Variants in NEMP2 observed in about 807,000 individuals in gnomAD.
NEMP2 encodes the protein nuclear envelope integral membrane protein 2.
Under a neutral mutation model 54.2 loss-of-function variants are expected in NEMP2, and 53 were observed. The ratio of observed to expected loss-of-function variants is 0.98; its 90% CI spans 0.78 to 1.23. The LOEUF (loss-of-function observed/expected upper bound fraction) is 1.23. Among genes scored for constraint, NEMP2 ranks in the 50% most tolerant of loss-of-function variants. The pLI is 0.00. For synonymous variants in NEMP2, 197 were observed against 190.3 expected, an observed-to-expected ratio of 1.04 and a Z score of -0.29; for missense variants, 455 against 511.3, an observed-to-expected ratio of 0.89 and a Z score of 1.06.
At position 190,533,954 on chromosome 2, in the gene NEMP2, C is replaced by T; in HGVS notation, c.97+605G>A. On this transcript the variant is annotated intron_variant, in intron 1 of 8. Coordinates refer to ENST00000409150, the MANE Select transcript of NEMP2 (RefSeq NM_001142645.2). This position sits in a 1 kb window ranked among gnomAD's most constrained non-coding sequence, Gnocchi z 4.3. ...TAGCAGCCGCTACCAGTTCTTGCTT[C>T]CTGTGTGCCAGGCATTGTGCACACG... 1 of 984,836 alleles carries T rather than the reference C, an allele frequency of 1.0e-6. No individual in the cohort carries two copies. Among genetic ancestry groups the T allele is most frequent in the Non-Finnish European group, 1.2e-6 (1 of 829,464 alleles). 61.0% of individuals were successfully genotyped at this position (984,836 alleles called of 1,614,324 possible).
chr2:190,567,406 A>T, the NEMP2 span, among the ~76,000 whole-genome samples: 4 of 152,152 alleles, frequency 2.6e-5, no homozygotes, highest in Non-Finnish European at 5.9e-5. The surrounding 1 kb of genome is among the most constrained non-coding windows in gnomAD (Gnocchi z 4.0). Context: ...GGCTATGTCT[A>T]AAAATCGAAG....
chr2:190,442,443 G>A, the NEMP2 span: 1 of 151,968 alleles, frequency 6.6e-6, no homozygotes, highest in Non-Finnish European at 1.5e-5. Context: ...TTCAAAGCAG[G>A]GAGGACCATA....
chr2:190,547,593 T>C, the NEMP2 span, among the ~76,000 whole-genome samples: 1 of 152,234 alleles, frequency 6.6e-6, no homozygotes, highest in Non-Finnish European at 1.5e-5. This position sits in a 1 kb window ranked among gnomAD's most constrained non-coding sequence, Gnocchi z 6.2. Flanking sequence ...TGGTGCCATC[T>C]TGGCTCACTG....
chr2:190,642,381 TA>T, the NEMP2 span, among the ~76,000 whole-genome samples: 1 of 152,208 alleles, frequency 6.6e-6, no homozygotes, highest in East Asian at 1.9e-4. This position sits in a 1 kb window ranked among gnomAD's most constrained non-coding sequence, Gnocchi z 4.1. Flanking sequence ...AGGTAAACTT[TA>T]TAATCCTTTA....
chr2:190,526,793 A>G lies in NEMP2; in HGVS notation c.98-1415T>C, dbSNP rs566480816. ...CATTGGTGGGATTCTGTGAAGATGG[A>G]CAGATCTTCACATCTCCAGCAAGGA... On this transcript the variant is annotated intron_variant, in intron 1 of 8. Transcript: ENST00000409150. Among the ~76,000 whole-genome samples the G allele has an allele frequency of 2.2e-4, 33 of 152,270 alleles. 1 individual carries two copies. Among genetic ancestry groups the G allele is most frequent in the African/African-American group, 7.5e-4 (31 of 41,564 alleles).
chr2:190,615,024 C>T, the NEMP2 span, among the ~76,000 whole-genome samples: 4 of 152,216 alleles, frequency 2.6e-5, no homozygotes, highest in Non-Finnish European at 4.4e-5. The surrounding 1 kb of genome is among the most constrained non-coding windows in gnomAD (Gnocchi z 4.7). Context: ...TCCTACTATG[C>T]TCTCAACACA....
the NEMP2 span, among the ~76,000 whole-genome samples, chr2:190,540,848 CA>C: frequency 5.3e-5 from 8 of 151,976 alleles, no homozygotes; most frequent in African/African-American, 1.9e-4. Flanking sequence ...GCAGTGAATC[CA>C]TTAGATCCTG....
chr2:190,475,594 C>T, the NEMP2 span, among the ~76,000 whole-genome samples: 1 of 152,302 alleles, frequency 6.6e-6, no homozygotes, highest in East Asian at 1.9e-4. Context: ...ATTCCATGCT[C>T]ATGGATAGGA....
chr2:190,429,173 T>C, the NEMP2 span, among the ~76,000 whole-genome samples: 1 of 152,046 alleles, frequency 6.6e-6, no homozygotes, highest in Non-Finnish European at 1.5e-5. Context: ...TACTGATTTT[T>C]TTCTATTGAT....
At position 190,517,662 on chromosome 2, in the gene NEMP2, G is replaced by C. The variant is rs1690609024; in HGVS notation, c.519-49C>G. The stretch of plus-strand genomic sequence containing the variant: ...CTATTTAAATGCCAAAAAGCACTTT[G>C]AGTATGAAAAACATGTTTAACCTGG... On this transcript the variant is annotated intron_variant, in intron 4 of 8. Transcript: ENST00000409150. 2.9e-6 allele frequency: 4 copies of C among 1,358,768 alleles called. No homozygotes were observed. In the African/African-American group the frequency reaches 5.8e-5, roughly 20 times the overall value. 84.2% of individuals were successfully genotyped at this position (1,358,768 alleles called of 1,614,324 possible). A position where few individuals can be genotyped will look rare whatever the true frequency, so the allele number is the denominator to read the frequency against.
chr2:190,623,067 A>G, the NEMP2 span, among the ~76,000 whole-genome samples: 1 of 152,196 alleles, frequency 6.6e-6, no homozygotes, highest in Non-Finnish European at 1.5e-5. Flanking sequence ...AAATCAAGAA[A>G]GCAATCCTAT....
the NEMP2 span, among the ~76,000 whole-genome samples, chr2:190,455,934 C>CTTTTTTTTTTTTTTTT: frequency 3.1e-5 from 2 of 65,388 alleles, 1 homozygote; most frequent in African/African-American, 1.3e-4. Context: ...ATTTACTCTG[C>CTTTTTTTTTTTTTTTT]TTTTTTTTTT....
chr2:190,549,970 T>C, the NEMP2 span, among the ~76,000 whole-genome samples: 1 of 152,222 alleles, frequency 6.6e-6, no homozygotes, highest in African/African-American at 2.4e-5. Context: ...CTGATAAGTA[T>C]ACATATTGAT....
At chr2:190,626,036 G>T in the NEMP2 span, 1 of 155,586 alleles carries the variant, frequency 6.4e-6, no homozygotes, top group Non-Finnish European at 1.4e-5. This position sits in a 1 kb window ranked among gnomAD's most constrained non-coding sequence, Gnocchi z 4.5. Flanking sequence ...AGATTAAGAT[G>T]CAGATTCAGT....
At chr2:190,431,717 G>C in the NEMP2 span, among the ~76,000 whole-genome samples, 1 of 152,070 alleles carries the variant, frequency 6.6e-6, no homozygotes, top group Non-Finnish European at 1.5e-5. This position sits in a 1 kb window ranked among gnomAD's most constrained non-coding sequence, Gnocchi z 4.4. Flanking sequence ...GGGAGACTGT[G>C]GGGAGAGGGA....
the NEMP2 span, among the ~76,000 whole-genome samples, chr2:190,426,287 A>G: frequency 2.6e-4 from 39 of 152,208 alleles, no homozygotes; most frequent in Admixed American, 7.2e-4. This position sits in a 1 kb window ranked among gnomAD's most constrained non-coding sequence, Gnocchi z 4.7. Flanking sequence ...CTGTATCCCA[A>G]TTCACTCATT....
the NEMP2 span, among the ~76,000 whole-genome samples, chr2:190,569,580 G>C: frequency 3.3e-5 from 5 of 152,138 alleles, no homozygotes; most frequent in African/African-American, 1.2e-4. Context: ...AAATAACTAA[G>C]GGAGGTTCCC....
At chr2:190,563,725 T>C in the NEMP2 span, among the ~76,000 whole-genome samples, 1 of 152,194 alleles carries the variant, frequency 6.6e-6, no homozygotes, top group Non-Finnish European at 1.5e-5. The surrounding 1 kb of genome is among the most constrained non-coding windows in gnomAD (Gnocchi z 4.3). Flanking sequence ...TAATGGCTTA[T>C]TGGGATGGTT....
rs1017774920 is a variant in NEMP2 at position 190,510,366 on chromosome 2, A to AGGAGTGT, written c.1118_1124dup (p.Ser376HisfsTer3). The AGGAGTGT allele has an allele frequency of 4.5e-6, 7 of 1,551,692 alleles. No individual in the cohort carries two copies. The Admixed American group carries it at 1.4e-4, about 30-fold the overall frequency. On this transcript the variant is annotated frameshift_variant, in exon 8 of 9. Transcript: ENST00000409150. LOFTEE classifies it high-confidence loss of function. This position sits in a 1 kb window ranked among gnomAD's most constrained non-coding sequence, Gnocchi z 5.7. ...AGCAGCAGAGCGGGACTTACTTGCT[A>AGGAGTGT]GGAGTGTGGAGTCTGGAGACGACCA...
Sources: gnomAD v4.1 joint callset for allele counts (sites outside exome capture counted in the v4.1 genomes callset) on GRCh38, gnomAD v4.1.1 for gene constraint, Gnocchi (gnomAD v3.1) non-coding constraint, MANE v1.5 for transcripts, NCBI Gene and HGNC (gene_info 2026-07-23, HGNC 2026-07-21) for gene names.